Variants in PPFIA2 observed in about 807,000 individuals in gnomAD.
PPFIA2 encodes PPFI scaffold protein A2.
A neutral mutation model predicts 175.5 loss-of-function variants in PPFIA2; 46 were observed. The ratio of observed to expected loss-of-function variants is 0.26; its 90% confidence interval spans 0.21 to 0.34. PPFIA2 has a LOEUF of 0.34. PPFIA2 is among the 10% of genes least tolerant of loss of function. The probability of loss-of-function intolerance (pLI) is 1.00; values close to 1 mark genes in which losing one functional copy is unlikely to be tolerated. For missense variants in PPFIA2, 1,179 were observed against 1,506.1 expected (o/e 0.78, Z 3.60); for synonymous variants, 568 against 511.4 (o/e 1.11, Z -1.49).
At chr12:81,303,898 A>T (rs2048485061) in intron 22 of PPFIA2, among the ~76,000 whole-genome samples, 1 of 152,108 alleles carries the variant, frequency 6.6e-6, no homozygotes, top group Non-Finnish European at 1.5e-5. Context: ...GGCGGGTGCA[A>T]CTCTGGTTGA....
chr12:81,521,141 A>G (rs1032248170), intron 4 of PPFIA2, among the ~76,000 whole-genome samples: 4 of 152,122 alleles, frequency 2.6e-5, no homozygotes, highest in Admixed American at 6.5e-5. Context: ...CTATAACTCA[A>G]TGATTAGAGT....
At chr12:81,745,887 T>C (rs956623118) in intron 3 of PPFIA2, among the ~76,000 whole-genome samples, 2 of 152,244 alleles carry the variant, frequency 1.3e-5, no homozygotes, top group African/African-American at 4.8e-5. Context: ...TTGGCTAAGG[T>C]GAGCAGGAAC....
At chr12:81,710,109 G>C (rs544420250) in intron 3 of PPFIA2, among the ~76,000 whole-genome samples, 1 of 151,678 alleles carries the variant, frequency 6.6e-6, no homozygotes, top group Non-Finnish European at 1.5e-5. Flanking sequence ...CACATATTAA[G>C]ACTTTAATAT....
At chr12:81,569,205 A>C (rs1421642179) in intron 4 of PPFIA2, among the ~76,000 whole-genome samples, 2 of 152,118 alleles carry the variant, frequency 1.3e-5, no homozygotes, top group Non-Finnish European at 2.9e-5. Flanking sequence ...TGAATAATAG[A>C]GTTGCTTTTT....
At position 81,675,778 on chromosome 12, in the gene PPFIA2, T is replaced by C. The variant is rs1368840637; in HGVS notation, c.303+1013A>G. On this transcript the variant is annotated intron_variant, in intron 4 of 32. Transcript: ENST00000549396. ...GACTTACATTTCATCTTGCCTTACA[T>C]TGTAATGTAATAGGTCTAGGGGATA... The C allele has an allele frequency of 2.6e-5, 4 of 152,052 alleles. No individual in the cohort carries two copies. In the East Asian group the frequency reaches 7.7e-4, roughly 29 times the overall value. The allele number at this position is 152,052 out of a possible 1,614,324, so 9.4% of individuals were successfully genotyped here.
chr12:81,361,866 G>A (rs1342650028), intron 15 of PPFIA2, among the ~76,000 whole-genome samples: 1 of 151,514 alleles, frequency 6.6e-6, no homozygotes, highest in African/African-American at 2.4e-5. Context: ...ATTCTGTGTT[G>A]CCTAGTAAAT....
At chr12:81,678,134 C>G (rs980771574) in intron 3 of PPFIA2, among the ~76,000 whole-genome samples, 1 of 151,824 alleles carries the variant, frequency 6.6e-6, no homozygotes, top group South Asian at 2.1e-4. Context: ...CTGATCACCT[C>G]TTATCTGTTT....
rs572963466 is a variant in PPFIA2 at position 81,427,463 on chromosome 12, C to T, written c.645+12509G>A. Among the ~76,000 whole-genome samples the T allele has an allele frequency of 1.2e-4, 19 of 152,090 alleles. No homozygotes were observed. The South Asian group carries it at 3.1e-3, about 25-fold the overall frequency. On this transcript the variant is annotated intron_variant, in intron 7 of 32. Coordinates refer to ENST00000549396, the MANE Select transcript of PPFIA2 (RefSeq NM_003625.5). The stretch of plus-strand genomic sequence containing the variant: ...GTAGTACCAAGCACACAGTAACCTC[C>T]TCTAAAATTGCAGATGCTATTATTT...
intron 7 of PPFIA2, among the ~76,000 whole-genome samples, chr12:81,418,109 T>A (rs934567560): frequency 4.6e-5 from 7 of 151,772 alleles, no homozygotes; most frequent in Non-Finnish European, 1.0e-4. Context: ...CCAATTAAGG[T>A]AAAAAGAAAA....
intron 4 of PPFIA2, among the ~76,000 whole-genome samples, chr12:81,518,858 A>G (rs1272758644): frequency 6.6e-6 from 1 of 152,180 alleles, no homozygotes; most frequent in Non-Finnish European, 1.5e-5. Flanking sequence ...AATTAATGAC[A>G]TAATATTTTA....
chr12:81,706,010 AT>A (rs553233348), intron 3 of PPFIA2, among the ~76,000 whole-genome samples: 12 of 152,122 alleles, frequency 7.9e-5, no homozygotes, highest in Non-Finnish European at 1.3e-4. Context: ...TATTAAAAGT[AT>A]TTTTTTATTT....
At chr12:81,609,944 T>C (rs937460086) in intron 4 of PPFIA2, among the ~76,000 whole-genome samples, 2 of 152,292 alleles carry the variant, frequency 1.3e-5, no homozygotes, top group African/African-American at 4.8e-5. Flanking sequence ...CACTCCTTTA[T>C]GGATCCCTTG....
chr12:81,597,883 T>A lies in PPFIA2; in HGVS notation c.303+78908A>T, dbSNP rs1232855365. The A allele has an allele frequency of 3.5e-6, 5 of 1,437,724 alleles. No individual in the cohort carries two copies. In the East Asian group the frequency reaches 9.9e-5, roughly 28 times the overall value. The allele number at this position is 1,437,724 out of a possible 1,614,324, so 89.1% of individuals were successfully genotyped here. On this transcript the variant is annotated intron_variant, in intron 4 of 32. Transcript: ENST00000549396. ...CTTTTTAAGTCTTTCTTCCTTTATA[T>A]AGCACTTTGTTAAAAGTTTGACAAT... is the stretch of plus-strand genomic sequence containing the variant.
In PPFIA2 at chr12:81,341,216, C is replaced by G; in HGVS notation, c.2263-8G>C. The G allele has an allele frequency of 1.2e-6, 2 of 1,606,966 alleles. No homozygotes were observed. Among genetic ancestry groups the G allele is most frequent in the Non-Finnish European group, 1.7e-6 (2 of 1,176,370 alleles). On this transcript the variant is annotated splice_region_variant and splice_polypyrimidine_tract_variant and intron_variant, in intron 19 of 32. Coordinates refer to ENST00000549396, the MANE Select transcript of PPFIA2 (RefSeq NM_003625.5). The stretch of plus-strand genomic sequence containing the variant: ...TTCTTCCACAACTGCAATCTAGAAG[C>G]AAAAACAATACATTCAAATAAACCC...
At chr12:81,259,742 C>T in intron 32 of PPFIA2, 82 bp from the exon 33 acceptor site, 1 of 1,232,426 alleles carries the variant, frequency 8.1e-7, no homozygotes, top group Non-Finnish European at 1.1e-6. Flanking sequence ...TGGTGTACCT[C>T]CACGCAGCCT....
intron 16 of PPFIA2, among the ~76,000 whole-genome samples, chr12:81,353,742 C>G (rs902792519): frequency 6.6e-6 from 1 of 152,122 alleles, no homozygotes; most frequent in African/African-American, 2.4e-5. Flanking sequence ...TAAGCTCAGA[C>G]CACAAATATT....
chr12:81,387,169 A>C (rs190230531), intron 8 of PPFIA2, among the ~76,000 whole-genome samples: 1 of 152,052 alleles, frequency 6.6e-6, no homozygotes, highest in East Asian at 1.9e-4. Flanking sequence ...TTCTCGGGGA[A>C]AAAAAAATAC....
chr12:81,270,012 C>A (rs2038592944), intron 28 of PPFIA2, among the ~76,000 whole-genome samples: 1 of 152,106 alleles, frequency 6.6e-6, no homozygotes, highest in Non-Finnish European at 1.5e-5. Flanking sequence ...TCAGAAAAAT[C>A]ACCACTAAAG....
intron 21 of PPFIA2, among the ~76,000 whole-genome samples, chr12:81,330,943 T>C (rs915075782): frequency 3.3e-5 from 5 of 152,248 alleles, no homozygotes; most frequent in Non-Finnish European, 5.9e-5. Flanking sequence ...AGCTAAATAC[T>C]ACTTTATTTA....
Sources: allele counts gnomAD v4.1 joint callset (sites outside exome capture counted in the v4.1 genomes callset), GRCh38; gene constraint gnomAD v4.1.1; transcripts MANE v1.5; gene names NCBI Gene and HGNC (gene_info 2026-07-23, HGNC 2026-07-21).